LMO7: variants seen among roughly 807,000 people sequenced by gnomAD.
The protein encoded by LMO7 is LIM domain only protein 7.
A neutral mutation model predicts 206.5 loss-of-function variants in LMO7; 120 were observed. The ratio of observed to expected loss-of-function variants is 0.58; its 90% CI spans 0.50 to 0.68. The LOEUF is 0.68. Among genes scored for constraint, LMO7 ranks in the 30% least tolerant of loss-of-function variants. The pLI is 0.00. For synonymous variants in LMO7, 706 were observed against 681.5 expected (o/e 1.04, Z -0.56); for missense variants, 1,959 against 1,957.9 (o/e 1.00, Z -0.01).
chr13:75,771,466 T>C (rs887977635), intron 4 of LMO7, among the ~76,000 whole-genome samples: 3 of 49,668 alleles, frequency 6.0e-5, no homozygotes, highest in Non-Finnish European at 1.3e-4. Context: ...AAAACCTTAC[T>C]AATCTAAATT....
chr13:75,795,929 A>G (rs2053951112), intron 5 of LMO7, among the ~76,000 whole-genome samples: 1 of 152,214 alleles, frequency 6.6e-6, no homozygotes, highest in Non-Finnish European at 1.5e-5. Context: ...GTTTACCTAC[A>G]TAACAAACCT....
rs2059912813 is a variant in LMO7, at chr13:75,845,445, G to A, written c.4150+66G>A. ...TATTTGTGGTATCATGTTATGAGAA[G>A]TATTTTTAAGGTCAAGATATTTCAG... is the stretch of plus-strand genomic sequence containing the variant. On this transcript the variant is annotated intron_variant, in intron 26 of 30. Transcript: ENST00000377534. 13 of 916,064 alleles carry A rather than the reference G, an allele frequency of 1.4e-5. No homozygotes were observed. The South Asian group carries it at 1.9e-4, about 13-fold the overall frequency. 56.7% of individuals were successfully genotyped at this position (916,064 alleles called of 1,614,324 possible). A position where few individuals can be genotyped will look rare whatever the true frequency, so the allele number is the denominator to read the frequency against.
intron 2 of LMO7, among the ~76,000 whole-genome samples, chr13:75,723,064 G>A (rs967283644): frequency 6.6e-6 from 1 of 151,972 alleles, no homozygotes; most frequent in Admixed American, 6.6e-5. Context: ...ATTGCGTGCA[G>A]TGGATACTCC....
At chr13:75,657,618 A>T (rs1386217818) in intron 1 of LMO7, among the ~76,000 whole-genome samples, 1 of 152,240 alleles carries the variant, frequency 6.6e-6, no homozygotes, top group African/African-American at 2.4e-5. Context: ...TGAGTGACAC[A>T]GTATTCCTCA....
chr13:75,811,245 A>T lies in LMO7; in HGVS notation c.1946+2062A>T, dbSNP rs1252078940. ...TTTTTTTAAGAGATGGAGTCTTGCT[A>T]TGTTGCCCAGGCTGGTCTTGAGCTC... On this transcript the variant is annotated intron_variant, in intron 11 of 30. Coordinates refer to ENST00000377534, the MANE Select transcript of LMO7 (RefSeq NM_001306080.2). Among the ~76,000 whole-genome samples the T allele has an allele frequency of 2.1e-4, 21 of 102,396 alleles. No homozygotes were observed. In the East Asian group the frequency reaches 4.4e-3, roughly 21 times the overall value. The allele number at this position is 102,396 out of a possible 152,430, so 67.2% of individuals were successfully genotyped here.
intron 1 of LMO7, among the ~76,000 whole-genome samples, chr13:75,638,267 C>T (rs1211729371): frequency 1.3e-5 from 2 of 152,066 alleles, no homozygotes; most frequent in African/African-American, 2.4e-5. Context: ...CACACCCTTC[C>T]CTTTTTTTTT....
At chr13:75,727,766 C>T in intron 3 of LMO7, among the ~76,000 whole-genome samples, 1 of 128,708 alleles carries the variant, frequency 7.8e-6, no homozygotes, top group Non-Finnish European at 1.6e-5. Context: ...CTAATGCTAT[C>T]CCTCCCCCCT....
chr13:75,732,440 G>T (rs954879959), intron 3 of LMO7, among the ~76,000 whole-genome samples: 1 of 152,024 alleles, frequency 6.6e-6, no homozygotes, highest in South Asian at 2.1e-4. Context: ...TTCTGCGTTC[G>T]TCACGTAGTT....
At chr13:75,671,682 T>C (rs1009940385) in intron 1 of LMO7, among the ~76,000 whole-genome samples, 1 of 152,180 alleles carries the variant, frequency 6.6e-6, no homozygotes, top group Admixed American at 6.5e-5. Flanking sequence ...TCCAACAACA[T>C]TCACGTCTTA....
chr13:75,845,386 G>C lies in LMO7; in HGVS notation c.4150+7G>C. On this transcript the variant is annotated splice_region_variant and intron_variant, in intron 26 of 30. Coordinates refer to ENST00000377534, the MANE Select transcript of LMO7 (RefSeq NM_001306080.2). ...TACTCCACAAATAAAAATGGTAAAT[G>C]CGATATTTTCCCCCAAACTCCTTCA... 1 of 1,561,718 alleles carries C rather than the reference G, an allele frequency of 6.4e-7. No individual in the cohort carries two copies.
intron 3 of LMO7, among the ~76,000 whole-genome samples, chr13:75,756,747 A>ACC (rs2047710639): frequency 6.6e-6 from 1 of 152,150 alleles, no homozygotes; most frequent in East Asian, 1.9e-4. Context: ...GTTGAGAGGA[A>ACC]CTTTACTTAA....
At chr13:75,799,258 A>T (rs1334799648) in intron 6 of LMO7, among the ~76,000 whole-genome samples, 1 of 152,142 alleles carries the variant, frequency 6.6e-6, no homozygotes, top group Non-Finnish European at 1.5e-5. Flanking sequence ...TTCACTGCAA[A>T]CTCTTCAGCT....
In LMO7 at chr13:75,643,986, T is replaced by A. The variant is rs546690420; in HGVS notation, c.69+7260T>A. On this transcript the variant is annotated intron_variant, in intron 1 of 30. Transcript: ENST00000377534. ...ATGGGGATTGTCATGTAGGAGAGAT[T>A]AGGAAATTTTTGTATGGATTCAGAG... Among the ~76,000 whole-genome samples, 69 of 152,228 alleles carry A rather than the reference T, an allele frequency of 4.5e-4. 1 individual carries two copies. Among genetic ancestry groups the A allele is most frequent in the South Asian group, 2.1e-4 (1 of 4,832 alleles).
chr13:75,753,446 C>T (rs947153395), intron 3 of LMO7, among the ~76,000 whole-genome samples: 2 of 152,004 alleles, frequency 1.3e-5, no homozygotes, highest in South Asian at 4.1e-4. Flanking sequence ...TTTTGTTGCC[C>T]GTGCTTTTGA....
At chr13:75,841,307 T>G in intron 23 of LMO7, 106 bp downstream of exon 23, 1 of 728,894 alleles carries the variant, frequency 1.4e-6, no homozygotes, top group East Asian at 2.7e-5. Context: ...GACCATATGT[T>G]CACCTGTGTA....
intron 3 of LMO7, among the ~76,000 whole-genome samples, chr13:75,739,165 C>G (rs1003043127): frequency 3.9e-5 from 6 of 152,226 alleles, no homozygotes; most frequent in African/African-American, 1.4e-4. Context: ...TACACAGGCT[C>G]TTTGGCTGGC....
At position 75,713,214 on chromosome 13, in the gene LMO7, T is replaced by A. The variant is rs755896604; in HGVS notation, c.102T>A (p.Asp34Glu). ...AVTEKNFETK[D>E]FRASLENGVL... is the part of the protein sequence containing the mutation. ...CAGAGAAGAATTTTGAAACAAAAGA[T>A]TTTCGAGCCTCTCTAGAAAATGGTG... The change falls in exon 2 of 31, where the codon GAT (aspartate) becomes GAA (glutamate). Residue 34 changes from aspartate (D) to glutamate (E), a missense_variant. By Grantham distance (45) the Asp-to-Glu change is conservative. Transcript: ENST00000377534. The A allele has an allele frequency of 6.2e-7, 1 of 1,611,708 alleles. No individual in the cohort carries two copies. The highest frequency in any genetic ancestry group is 8.5e-7 in the Non-Finnish European group (1 of 1,178,638).
At chr13:75,655,662 TA>T (rs2038000142) in intron 1 of LMO7, among the ~76,000 whole-genome samples, 1 of 5,662 alleles carries the variant, frequency 1.8e-4, no homozygotes, top group African/African-American at 2.7e-4. Flanking sequence ...TATATATATA[TA>T]TATATATATA....
intron 12 of LMO7, among the ~76,000 whole-genome samples, chr13:75,818,772 A>G (rs917329844): frequency 1.3e-5 from 2 of 152,146 alleles, no homozygotes; most frequent in African/African-American, 4.8e-5. Flanking sequence ...AACCGGACCC[A>G]TGGTCTTCTT....
Sources: allele counts gnomAD v4.1 joint callset (sites outside exome capture counted in the v4.1 genomes callset), GRCh38; gene constraint gnomAD v4.1.1; transcripts MANE v1.5; gene names NCBI Gene and HGNC (gene_info 2026-07-23, HGNC 2026-07-21).